PHGDH: variants seen among roughly 807,000 people sequenced by gnomAD.
PHGDH encodes phosphoglycerate dehydrogenase, also known as D-3-phosphoglycerate dehydrogenase.
In PHGDH, 50 loss-of-function variants were observed where a neutral mutation model predicts 52.6. That is an observed-to-expected ratio of 0.95 (90% CI 0.76 to 1.20). The LOEUF (loss-of-function observed/expected upper bound fraction) is 1.20, where lower values mean the gene tolerates loss of function less well. Ranked by LOEUF, PHGDH falls within the 50% of genes most tolerant of loss-of-function variation. The pLI is 0.00. For synonymous variants in PHGDH, 271 were observed against 280.5 expected, an observed-to-expected ratio of 0.97 and a Z score of 0.34; for missense variants, 630 against 684.6, an observed-to-expected ratio of 0.92 and a Z score of 0.89.
chr1:119,739,766 T>C (rs956439268), intron 8 of PHGDH: 2 of 152,694 alleles, frequency 1.3e-5, no homozygotes, highest in African/African-American at 4.8e-5. Context: ...ATCAGGCCCC[T>C]GGGTGGGGCA....
rs1257365018 is a variant in PHGDH, at chr1:119,736,131, G to T, written c.792+688G>T. Reference sequence around the variant, plus strand: ...TTGTGGTTCGCAGGTTACTAGCTGTGTGTCCTTGGAAGGTCACTGGCCCTC... The same window carrying T: ...TTGTGGTTCGCAGGTTACTAGCTGTTTGTCCTTGGAAGGTCACTGGCCCTC... On this transcript the variant is annotated intron_variant, in intron 7 of 11. Transcript: ENST00000641023. Among the ~76,000 whole-genome samples, 3 of 152,340 alleles carry T rather than the reference G, an allele frequency of 2.0e-5. No individual in the cohort carries two copies. The East Asian group carries it at 5.8e-4, about 29-fold the overall frequency.
At chr1:119,741,174 T>A (rs1447325119) in intron 9 of PHGDH, among the ~76,000 whole-genome samples, 3 of 152,156 alleles carry the variant, frequency 2.0e-5, no homozygotes, top group Admixed American at 6.5e-5. Context: ...AGGGCTCCAG[T>A]TTCCTTAACC....
chr1:119,739,873 G>A (rs928434996), intron 8 of PHGDH: 30 of 167,214 alleles, frequency 1.8e-4, no homozygotes, highest in Admixed American at 2.9e-4. Flanking sequence ...CTTCGCATGC[G>A]TTGATATTTG....
Position 119,722,099 on chromosome 1 carries a change from C to G in PHGDH, c.290+778C>G, listed in dbSNP as rs587771143. On this transcript the variant is annotated intron_variant, in intron 2 of 11. Coordinates refer to ENST00000641023, the MANE Select transcript of PHGDH (RefSeq NM_006623.4). ...CTGTAGGGTAGAGGTTAATTGGTCA[C>G]CTGACTGAAGTCAATATTCAACAGC... Among the ~76,000 whole-genome samples the G allele has an allele frequency of 2.0e-5, 3 of 152,358 alleles. No individual in the cohort carries two copies. The East Asian group carries it at 5.8e-4, about 29-fold the overall frequency.
At chr1:119,729,084 C>T (rs906162635) in intron 5 of PHGDH, among the ~76,000 whole-genome samples, 1 of 152,170 alleles carries the variant, frequency 6.6e-6, no homozygotes, top group Admixed American at 6.5e-5. Flanking sequence ...CCTCCACTCC[C>T]CATCTTATTT....
In PHGDH at chr1:119,727,064, A is replaced by G. The variant is rs1183596795; in HGVS notation, c.472A>G (p.Arg158Gly). Residue 158 changes from arginine to glycine, a missense_variant, in exon 5 of 12, where the codon AGA (arginine) becomes GGA (glycine). Arg to Gly is a moderately radical substitution (Grantham distance 125). Transcript: ENST00000641023. ...LGILGLGRIG[R>G]EVATRMQSFG... ...AATTCTTGGCCTGGGCAGGATTGGG[A>G]GAGAGGTAGCTACCCGGATGCAGTC... The G allele has an allele frequency of 6.2e-7, 1 of 1,612,514 alleles. No individual in the cohort carries two copies. Among genetic ancestry groups the G allele is most frequent in the African/African-American group, 1.3e-5 (1 of 74,890 alleles).
intron 5 of PHGDH, among the ~76,000 whole-genome samples, chr1:119,733,527 G>A (rs920113809): frequency 2.0e-5 from 3 of 148,396 alleles, no homozygotes; most frequent in Non-Finnish European, 4.5e-5. Flanking sequence ...TAGGGGGGGG[G>A]GTCTGACTAT....
In PHGDH at chr1:119,735,394, C is replaced by A. The variant is rs201782441; in HGVS notation, c.743C>A (p.Ala248Asp). 2.5e-6 allele frequency: 4 copies of A among 1,614,098 alleles called. No homozygotes were observed. The South Asian group carries it at 3.3e-5, about 13-fold the overall frequency. Reference sequence around the variant, plus strand: ...GTGGACGAAGGCGCCCTGCTCCGGGCCCTGCAGTCTGGCCAGTGTGCCGGG... The same window carrying A: ...GTGGACGAAGGCGCCCTGCTCCGGGACCTGCAGTCTGGCCAGTGTGCCGGG... ...GIVDEGALLR[A>D]LQSGQCAGAA... Residue 248 changes from alanine (A) to aspartate (D), a missense_variant, in exon 7 of 12, where the codon GCC becomes GAC. Physicochemically the swap from Ala to Asp is moderately radical, Grantham distance 126. Coordinates refer to ENST00000641023, the MANE Select transcript of PHGDH (RefSeq NM_006623.4).
chr1:119,725,044 G>C, intron 3 of PHGDH: 1 of 454,884 alleles, frequency 2.2e-6, no homozygotes, highest in Admixed American at 2.4e-5. Flanking sequence ...TCACAGTAGG[G>C]ACTTTGAGCA....
intron 1 of PHGDH, chr1:119,712,701 G>T (rs966673267): frequency 1.1e-5 from 2 of 189,688 alleles, no homozygotes; most frequent in East Asian, 2.8e-4. Flanking sequence ...GGGGCGGGGG[G>T]AAGCTGGCGG....
At chr1:119,728,249 C>T (rs1027331335) in intron 5 of PHGDH, among the ~76,000 whole-genome samples, 11 of 152,148 alleles carry the variant, frequency 7.2e-5, no homozygotes, top group Non-Finnish European at 1.5e-4. Context: ...ATTACCTATC[C>T]TGCCTCACAG....
chr1:119,721,578 A>G, intron 2 of PHGDH: 1 of 462,138 alleles, frequency 2.2e-6, no homozygotes, highest in South Asian at 3.3e-5. Flanking sequence ...GAGTCCCTGC[A>G]TAATCTCAAA....
intron 1 of PHGDH, among the ~76,000 whole-genome samples, chr1:119,714,202 G>T (rs890952789): frequency 2.0e-5 from 3 of 152,104 alleles, no homozygotes; most frequent in Non-Finnish European, 4.4e-5. Flanking sequence ...GAGGTGTCTG[G>T]CATAGTGTCT....
At chr1:119,717,319 G>A (rs1650980176) in intron 1 of PHGDH, among the ~76,000 whole-genome samples, 1 of 146,022 alleles carries the variant, frequency 6.8e-6, no homozygotes, top group African/African-American at 2.5e-5. Flanking sequence ...GTTACATATG[G>A]TGAAAGGAGT....
chr1:119,716,329 G>A (rs1440712312), intron 1 of PHGDH, among the ~76,000 whole-genome samples: 1 of 151,628 alleles, frequency 6.6e-6, no homozygotes, highest in Non-Finnish European at 1.5e-5. Context: ...AAAGTGAAGA[G>A]ACTACAGCAT....
At chr1:119,741,965 G>A in intron 10 of PHGDH, 68 bp downstream of exon 10, 1 of 1,395,190 alleles carries the variant, frequency 7.2e-7, no homozygotes, top group South Asian at 1.2e-5. Flanking sequence ...CACATTTCCA[G>A]AGCCCGTTCT....
At chr1:119,736,502 C>G (rs1651939740) in intron 7 of PHGDH, among the ~76,000 whole-genome samples, 1 of 152,104 alleles carries the variant, frequency 6.6e-6, no homozygotes, top group Admixed American at 6.5e-5. Context: ...AATAACATAC[C>G]CAAGGGCAAT....
chr1:119,726,674 T>C, intron 3 of PHGDH, 177 bp from the exon 4 acceptor site: 1 of 666,030 alleles, frequency 1.5e-6, no homozygotes, highest in South Asian at 1.7e-5. Flanking sequence ...TTGCCAAGGG[T>C]TTCTCTCTTC....
intron 5 of PHGDH, among the ~76,000 whole-genome samples, chr1:119,730,856 G>A (rs1383794370): frequency 1.3e-5 from 2 of 152,110 alleles, no homozygotes; most frequent in African/African-American, 2.4e-5. Flanking sequence ...GCTCCACCTT[G>A]CCCACCATTC....
Sources: gnomAD v4.1 joint callset for allele counts (sites outside exome capture counted in the v4.1 genomes callset) on GRCh38, gnomAD v4.1.1 for gene constraint, MANE v1.5 for transcripts, NCBI Gene and HGNC (gene_info 2026-07-23, HGNC 2026-07-21) for gene names.